Variants in QTMAN observed in about 807,000 individuals in gnomAD.
The protein encoded by QTMAN is queuosine-tRNA mannosyltransferase.
the QTMAN span, among the ~76,000 whole-genome samples, chr2:144,065,808 T>C: frequency 6.6e-6 from 1 of 151,100 alleles, no homozygotes; most frequent in African/African-American, 2.4e-5. Context: ...CTTAAAATAC[T>C]AGTGTGTAGT....
the QTMAN span, among the ~76,000 whole-genome samples, chr2:144,090,974 T>C: frequency 6.6e-6 from 1 of 151,900 alleles, no homozygotes; most frequent in East Asian, 1.9e-4. Context: ...TCATCATCAG[T>C]GTAGTATTGA....
the QTMAN span, among the ~76,000 whole-genome samples, chr2:144,019,435 G>GGTGTGTGTGTGTGTGTGT: frequency 1.3e-3 from 157 of 117,256 alleles, 2 homozygotes; most frequent in East Asian, 4.8e-3. Context: ...TAAGCATGCA[G>GGTGTGTGTGTGTGTGTGT]GTGTGTGTGT....
the QTMAN span, among the ~76,000 whole-genome samples, chr2:143,994,558 T>C: frequency 3.9e-5 from 6 of 152,174 alleles, no homozygotes; most frequent in African/African-American, 1.4e-4. Flanking sequence ...TATTCAGCAT[T>C]AGAAAGGAAA....
the QTMAN span, among the ~76,000 whole-genome samples, chr2:144,226,121 T>A: frequency 6.6e-6 from 1 of 152,124 alleles, no homozygotes; most frequent in African/African-American, 2.4e-5. Context: ...GATCTTCAAA[T>A]AAATCCTAAA....
At chr2:144,162,483 A>T in the QTMAN span, among the ~76,000 whole-genome samples, 1 of 152,174 alleles carries the variant, frequency 6.6e-6, no homozygotes, top group Non-Finnish European at 1.5e-5. Flanking sequence ...TATGCAGCGG[A>T]CAGAACTGGC....
chr2:144,307,511 T>C, the QTMAN span, among the ~76,000 whole-genome samples: 4 of 152,132 alleles, frequency 2.6e-5, no homozygotes, highest in Admixed American at 1.3e-4. Flanking sequence ...ATCTGTGCTG[T>C]AGAAAAAGAG....
At chr2:144,162,831 C>G in the QTMAN span, among the ~76,000 whole-genome samples, 1 of 152,156 alleles carries the variant, frequency 6.6e-6, no homozygotes, top group African/African-American at 2.4e-5. Context: ...TATCAGCTGA[C>G]TCAGGTAAGA....
At chr2:143,998,118 C>T in the QTMAN span, among the ~76,000 whole-genome samples, 4 of 152,010 alleles carry the variant, frequency 2.6e-5, no homozygotes, top group Middle Eastern at 3.4e-3. Context: ...GCCTTTCACA[C>T]CAAGCTTAAG....
the QTMAN span, among the ~76,000 whole-genome samples, chr2:144,130,200 T>C: frequency 2.0e-5 from 3 of 151,816 alleles, no homozygotes; most frequent in Non-Finnish European, 2.9e-5. Flanking sequence ...AGCACCTCTA[T>C]AGATAGCTGG....
chr2:144,035,904 G>A, the QTMAN span, among the ~76,000 whole-genome samples: 1 of 152,082 alleles, frequency 6.6e-6, no homozygotes, highest in Non-Finnish European at 1.5e-5. Flanking sequence ...GCAAAGAAAT[G>A]GGCATTTGAA....
the QTMAN span, chr2:143,944,502 G>A: frequency 6.6e-6 from 1 of 152,078 alleles, no homozygotes; most frequent in Admixed American, 6.5e-5. Context: ...GAGTGCAGTG[G>A]CACGATCTCG....
chr2:143,948,242 T>C, the QTMAN span, among the ~76,000 whole-genome samples: 1 of 152,176 alleles, frequency 6.6e-6, no homozygotes, highest in Non-Finnish European at 1.5e-5. Flanking sequence ...TGAGTGTGAA[T>C]TGTAAGCTTA....
chr2:144,182,788 T>TATATATATATATTATATATATA, the QTMAN span, among the ~76,000 whole-genome samples: 4 of 43,666 alleles, frequency 9.2e-5, no homozygotes, highest in Admixed American at 7.6e-4. Context: ...AGGTACATTA[T>TATATATATATATTATATATATA]ATATATATAT....
the QTMAN span, among the ~76,000 whole-genome samples, chr2:144,232,915 T>C: frequency 6.6e-6 from 1 of 152,186 alleles, no homozygotes; most frequent in Non-Finnish European, 1.5e-5. Context: ...TTGCAAGAAT[T>C]GGTAAACTTA....
At chr2:144,274,946 C>G in the QTMAN span, among the ~76,000 whole-genome samples, 2 of 152,194 alleles carry the variant, frequency 1.3e-5, no homozygotes, top group Non-Finnish European at 2.9e-5. Context: ...GAATCTGACC[C>G]TATCTCCAGG....
chr2:144,109,956 G>A, the QTMAN span, among the ~76,000 whole-genome samples: 3 of 152,316 alleles, frequency 2.0e-5, no homozygotes, highest in Admixed American at 2.0e-4. Context: ...CTGTAAACTA[G>A]TTCAACCATT....
the QTMAN span, among the ~76,000 whole-genome samples, chr2:144,168,566 GATAA>G: frequency 2.0e-5 from 3 of 152,024 alleles, no homozygotes; most frequent in Non-Finnish European, 4.4e-5. Context: ...AATTACTGAA[GATAA>G]ATAATCAGTA....
the QTMAN span, among the ~76,000 whole-genome samples, chr2:144,257,273 C>G: frequency 6.6e-6 from 1 of 151,986 alleles, no homozygotes; most frequent in African/African-American, 2.4e-5. Context: ...ATAAAGATTT[C>G]CCTAAAATTT....
At chr2:144,211,483 G>A in the QTMAN span, 22 of 152,554 alleles carry the variant, frequency 1.4e-4, no homozygotes, top group African/African-American at 5.3e-4. Context: ...GTTTTGTGGA[G>A]ACAGACATAT....
Sources: gnomAD v4.1 joint callset for allele counts (sites outside exome capture counted in the v4.1 genomes callset) on GRCh38, gnomAD v4.1.1 for gene constraint, MANE v1.5 for transcripts, NCBI Gene and HGNC (gene_info 2026-07-23, HGNC 2026-07-21) for gene names.